Variants in CSMD1 observed in about 807,000 individuals in gnomAD.
CSMD1 encodes CUB and sushi domain-containing protein 1.
CSMD1 carries 213 observed loss-of-function variants against 417.5 expected under a neutral mutation model. That is an observed-to-expected ratio of 0.51 (90% CI 0.46 to 0.57). The LOEUF is 0.57. Ranked by LOEUF, CSMD1 falls within the 20% of genes least tolerant of loss-of-function variation. CSMD1 has a pLI of 0.00. For missense variants in CSMD1, 6,923 were observed against 4,529.7 expected (o/e 1.53, Z -15.17); for synonymous variants, 2,862 against 1,736.8 (o/e 1.65, Z -16.11).
intron 3 of CSMD1, among the ~76,000 whole-genome samples, chr8:4,159,961 G>A (rs1212486240): frequency 6.6e-6 from 1 of 151,904 alleles, no homozygotes; most frequent in Non-Finnish European, 1.5e-5. Flanking sequence ...AGGGGGTGAG[G>A]GATAAAAGAC....
chr8:3,341,226 C>T (rs191232090), intron 23 of CSMD1, among the ~76,000 whole-genome samples: 49 of 152,162 alleles, frequency 3.2e-4, no homozygotes, highest in African/African-American at 1.1e-3. Context: ...ACAAGCCGAC[C>T]ACCTATAGTT....
intron 10 of CSMD1, among the ~76,000 whole-genome samples, chr8:3,530,412 T>C (rs1187772015): frequency 6.6e-6 from 1 of 152,218 alleles, no homozygotes; most frequent in African/African-American, 2.4e-5. Context: ...TTTTCTTCGA[T>C]CTAATGATTG....
At chr8:3,989,675 A>G (rs1056657674) in intron 5 of CSMD1, among the ~76,000 whole-genome samples, 1 of 152,250 alleles carries the variant, frequency 6.6e-6, no homozygotes, top group African/African-American at 2.4e-5. Flanking sequence ...AAGAAACGAT[A>G]CTGTGATACT....
At chr8:4,400,155 G>A (rs1804551462) in intron 3 of CSMD1, among the ~76,000 whole-genome samples, 1 of 152,162 alleles carries the variant, frequency 6.6e-6, no homozygotes, top group Non-Finnish European at 1.5e-5. Context: ...ATATAGCTGT[G>A]GTTAGGGAAG....
intron 2 of CSMD1, among the ~76,000 whole-genome samples, chr8:4,590,147 A>G (rs1585296875): frequency 6.6e-6 from 1 of 151,958 alleles, no homozygotes; most frequent in Non-Finnish European, 1.5e-5. Flanking sequence ...AAGCAAGTGA[A>G]TTTTGCTCAG....
At chr8:3,675,082 C>A (rs752357786) in intron 7 of CSMD1, among the ~76,000 whole-genome samples, 2 of 152,154 alleles carry the variant, frequency 1.3e-5, no homozygotes, top group Admixed American at 6.5e-5. Flanking sequence ...TACCGTCGAC[C>A]ATAAAACGCC....
intron 8 of CSMD1, among the ~76,000 whole-genome samples, chr8:3,597,060 G>A (rs2406982): frequency 0.11 from 16,043 of 152,126 alleles, 1,360 homozygotes; most frequent in East Asian, 0.22. Flanking sequence ...GATATTGGCC[G>A]ATAAAACAGA....
At position 4,235,795 on chromosome 8, in the gene CSMD1, G is replaced by A. The variant is rs545686347; in HGVS notation, c.415+184158C>T. Among the ~76,000 whole-genome samples the A allele has an allele frequency of 1.8e-4, 28 of 152,116 alleles. No individual in the cohort carries two copies. The South Asian group carries it at 1.9e-3, about 10-fold the overall frequency. On this transcript the variant is annotated intron_variant, in intron 3 of 69. Coordinates refer to ENST00000635120, the MANE Select transcript of CSMD1 (RefSeq NM_033225.6). Reference sequence around the variant, plus strand: ...CCCTAGTCTTTTTCTTTTTTTCTTTGAAACATTTGTTTTTGTAACTTGAGA... The same window carrying A: ...CCCTAGTCTTTTTCTTTTTTTCTTTAAAACATTTGTTTTTGTAACTTGAGA...
chr8:3,277,607 C>T (rs112636969), intron 26 of CSMD1, among the ~76,000 whole-genome samples: 76 of 152,204 alleles, frequency 5.0e-4, no homozygotes, highest in African/African-American at 1.7e-3. Flanking sequence ...TTGACTTTAC[C>T]AAAACCGGGA....
At chr8:3,398,091 A>C (rs1001138008) in intron 16 of CSMD1, among the ~76,000 whole-genome samples, 1 of 152,172 alleles carries the variant, frequency 6.6e-6, no homozygotes, top group African/African-American at 2.4e-5. Flanking sequence ...AATCAAGCAA[A>C]TATCTTCCTT....
At chr8:4,048,906 T>A (rs2554551) in intron 3 of CSMD1, among the ~76,000 whole-genome samples, 5 of 151,796 alleles carry the variant, frequency 3.3e-5, no homozygotes, top group Non-Finnish European at 7.4e-5. Flanking sequence ...AATAGTCTAT[T>A]TGCTAATTTT....
intron 49 of CSMD1, among the ~76,000 whole-genome samples, chr8:3,054,599 T>C (rs549963494): frequency 2.7e-4 from 41 of 150,910 alleles, no homozygotes; most frequent in African/African-American, 9.2e-4. Context: ...GACTGGGTGA[T>C]AGAGCAAGGC....
At chr8:4,234,733 G>A (rs1396262159) in intron 3 of CSMD1, among the ~76,000 whole-genome samples, 2 of 152,144 alleles carry the variant, frequency 1.3e-5, no homozygotes, top group Admixed American at 1.3e-4. Flanking sequence ...TGCTGCCGCT[G>A]AAAACTGGAG....
chr8:4,022,277 T>C (rs1010408422), intron 4 of CSMD1, among the ~76,000 whole-genome samples: 1 of 151,252 alleles, frequency 6.6e-6, no homozygotes, highest in Non-Finnish European at 1.5e-5. Context: ...TTATCTCTTA[T>C]GTATTTCAGA....
intron 2 of CSMD1, among the ~76,000 whole-genome samples, chr8:4,577,552 C>T (rs17416403): frequency 0.21 from 31,661 of 152,102 alleles, 3,405 homozygotes; most frequent in Middle Eastern, 0.27. Flanking sequence ...CCCACGGCAT[C>T]CTTCCTCCGG....
intron 5 of CSMD1, among the ~76,000 whole-genome samples, chr8:3,970,721 G>A (rs562018315): frequency 1.3e-5 from 2 of 152,224 alleles, no homozygotes; most frequent in East Asian, 1.9e-4. Context: ...GTGCACCTCT[G>A]CTTAACAGGT....
At chr8:3,462,125 C>T (rs1010321936) in intron 12 of CSMD1, among the ~76,000 whole-genome samples, 1 of 138,756 alleles carries the variant, frequency 7.2e-6, no homozygotes, top group African/African-American at 2.6e-5. Context: ...AATCCAGGCC[C>T]CCCCCCCCAC....
At chr8:4,286,627 G>GA (rs1159686208) in intron 3 of CSMD1, among the ~76,000 whole-genome samples, 1 of 152,114 alleles carries the variant, frequency 6.6e-6, no homozygotes, top group Non-Finnish European at 1.5e-5. Flanking sequence ...ACTTGACCTC[G>GA]AAGAAAGGTT....
At chr8:3,928,853 G>C (rs1458354206) in intron 5 of CSMD1, among the ~76,000 whole-genome samples, 1 of 118,222 alleles carries the variant, frequency 8.5e-6, no homozygotes. Flanking sequence ...CACTATACAA[G>C]GGTAGGAGAA....
Sources: allele counts gnomAD v4.1 joint callset (sites outside exome capture counted in the v4.1 genomes callset), GRCh38; gene constraint gnomAD v4.1.1; transcripts MANE v1.5; gene names NCBI Gene and HGNC (gene_info 2026-07-23, HGNC 2026-07-21).